Variants in CSTL1 observed in about 807,000 individuals in gnomAD.
CSTL1 encodes cystatin-like 1.
Under a neutral mutation model 14.4 loss-of-function variants are expected in CSTL1, and 14 were observed. The ratio of observed to expected loss-of-function variants is 0.97; its 90% CI spans 0.64 to 1.52. The LOEUF (loss-of-function observed/expected upper bound fraction) is 1.52, where lower values mean the gene tolerates loss of function less well. Among genes scored for constraint, CSTL1 ranks in the 40% most tolerant of loss-of-function variants. The probability of loss-of-function intolerance (pLI) is 0.00; values close to 1 mark genes in which losing one functional copy is unlikely to be tolerated. For synonymous variants in CSTL1, 72 were observed against 67.5 expected (o/e 1.07, Z -0.33); for missense variants, 170 against 168.7 (o/e 1.01, Z -0.04).
chr20:23,456,347 G>A, the CSTL1 span, among the ~76,000 whole-genome samples: 2 of 152,172 alleles, frequency 1.3e-5, no homozygotes, highest in Non-Finnish European at 2.9e-5. Context: ...TTGCATTTGG[G>A]GAGGAGTGCT....
chr20:23,453,373 C>T, the CSTL1 span, among the ~76,000 whole-genome samples: 2 of 152,136 alleles, frequency 1.3e-5, no homozygotes. Flanking sequence ...AACTCTGACA[C>T]CGACGATTCC....
At chr20:23,454,880 C>T in the CSTL1 span, among the ~76,000 whole-genome samples, 1 of 152,182 alleles carries the variant, frequency 6.6e-6, no homozygotes, top group Admixed American at 6.5e-5. Context: ...TATGGGACTG[C>T]CTGCAATAAA....
At chr20:23,448,836 C>G (rs1987015827), downstream of CSTL1, among the ~76,000 whole-genome samples, 1 of 152,294 alleles carries the variant, frequency 6.6e-6, no homozygotes, top group Admixed American at 6.5e-5. Context: ...TATTTGAATG[C>G]CTGCTTCGTG....
chr20:23,440,635 TGTAGAGTTGTTCAGATCC>T, intron 2 of CSTL1, 149 bp downstream of exon 2: 1 of 736,186 alleles, frequency 1.4e-6, no homozygotes, highest in South Asian at 1.4e-5. Context: ...GCAGGTACAT[TGTAGAGTTGTTCAGATCC>T]CAGAATGTCC....
At chr20:23,452,006 C>A in the CSTL1 span, 270 of 926,012 alleles carry the variant, frequency 2.9e-4, 1 homozygote, top group African/African-American at 3.7e-3. Flanking sequence ...CGCTACCCCA[C>A]GTCCAAGGGC....
intron 2 of CSTL1, among the ~76,000 whole-genome samples, chr20:23,442,995 C>CA (rs1457835913): frequency 2.0e-5 from 3 of 152,224 alleles, no homozygotes; most frequent in East Asian, 3.8e-4. Context: ...CCAACCCCTG[C>CA]AGGCTTCATG....
chr20:23,452,596 T>C, the CSTL1 span: 5 of 1,611,976 alleles, frequency 3.1e-6, no homozygotes, highest in Non-Finnish European at 4.2e-6. Flanking sequence ...GCCTCTGGAC[T>C]TTAAGGACTC....
chr20:23,447,492 G>T (rs1986992259), downstream of CSTL1, among the ~76,000 whole-genome samples: 1 of 144,448 alleles, frequency 6.9e-6, no homozygotes, highest in African/African-American at 2.6e-5. Context: ...TTGTGAGACA[G>T]AGTTCCACTC....
At chr20:23,460,305 G>T in the CSTL1 span, among the ~76,000 whole-genome samples, 1 of 152,196 alleles carries the variant, frequency 6.6e-6, no homozygotes, top group Non-Finnish European at 1.5e-5. Flanking sequence ...GAGGGTCATG[G>T]GGTGGCTGTC....
chr20:23,441,979 G>A (rs1239369983), intron 2 of CSTL1, among the ~76,000 whole-genome samples: 1 of 152,210 alleles, frequency 6.6e-6, no homozygotes, highest in Non-Finnish European at 1.5e-5. Flanking sequence ...CTGTCCCACA[G>A]GCTGGCTCAG....
downstream of CSTL1, among the ~76,000 whole-genome samples, chr20:23,449,837 T>C (rs1987037484): frequency 6.6e-6 from 1 of 152,210 alleles, no homozygotes; most frequent in African/African-American, 2.4e-5. Context: ...GGGGCACATA[T>C]GTCCCTTTGC....
chr20:23,452,120 G>A, the CSTL1 span, among the ~76,000 whole-genome samples: 5 of 152,216 alleles, frequency 3.3e-5, no homozygotes, highest in African/African-American at 1.2e-4. Flanking sequence ...TCAGAAACAT[G>A]AACTTTCCCC....
chr20:23,452,341 G>T, the CSTL1 span, among the ~76,000 whole-genome samples: 1 of 152,340 alleles, frequency 6.6e-6, no homozygotes, highest in South Asian at 2.1e-4. Flanking sequence ...ACAAGAACAC[G>T]ACTTACAAAA....
chr20:23,459,447 AT>A, the CSTL1 span: 2 of 152,340 alleles, frequency 1.3e-5, no homozygotes, highest in South Asian at 2.1e-4. Context: ...TTTTAAAAAA[AT>A]GTTCAATTAT....
downstream of CSTL1, among the ~76,000 whole-genome samples, chr20:23,447,437 CA>C (rs1274594121): frequency 6.6e-6 from 1 of 151,492 alleles, no homozygotes; most frequent in African/African-American, 2.4e-5. Context: ...ATGCTGGACA[CA>C]TTACATGTAC....
At chr20:23,459,762 G>A in the CSTL1 span, among the ~76,000 whole-genome samples, 2 of 152,218 alleles carry the variant, frequency 1.3e-5, no homozygotes, top group Non-Finnish European at 2.9e-5. Flanking sequence ...TTGGATGAGT[G>A]AAGGCATGAA....
chr20:23,455,210 A>G, the CSTL1 span, among the ~76,000 whole-genome samples: 4 of 152,282 alleles, frequency 2.6e-5, no homozygotes, highest in South Asian at 8.3e-4. Context: ...CTTGTATAGT[A>G]AAGTTTATTT....
At chr20:23,452,723 G>T in the CSTL1 span, 1 of 1,614,178 alleles carries the variant, frequency 6.2e-7, no homozygotes, top group Non-Finnish European at 8.5e-7. Context: ...GCTTAGAAAG[G>T]TTTTCTTCCT....
chr20:23,452,781 G>GCTGTAGGGCCTGCCAGGGCT, the CSTL1 span: 5 of 1,613,990 alleles, frequency 3.1e-6, no homozygotes, highest in Non-Finnish European at 3.4e-6. Context: ...GCCAACAGGA[G>GCTGTAGGGCCTGCCAGGGCT]CTGTAGGGCC....
Sources: gnomAD v4.1 joint callset for allele counts (sites outside exome capture counted in the v4.1 genomes callset) on GRCh38, gnomAD v4.1.1 for gene constraint, MANE v1.5 for transcripts, NCBI Gene and HGNC (gene_info 2026-07-23, HGNC 2026-07-21) for gene names.